Variants in MOB3B observed in about 807,000 individuals in gnomAD.
The protein encoded by MOB3B is MOB kinase activator 3B.
Under a neutral mutation model 18.7 loss-of-function variants are expected in MOB3B, and 7 were observed. That is an observed-to-expected ratio of 0.37 (90% CI 0.21 to 0.70). The LOEUF (loss-of-function observed/expected upper bound fraction) is 0.70. Ranked by LOEUF, MOB3B falls within the 30% of genes least tolerant of loss-of-function variation. The pLI is 0.52. For synonymous variants in MOB3B, 111 were observed against 99.9 expected (o/e 1.11, Z -0.66); for missense variants, 253 against 281.3 (o/e 0.90, Z 0.72).
intron 1 of MOB3B, among the ~76,000 whole-genome samples, chr9:27,520,864 G>C (rs572053382): frequency 6.6e-6 from 1 of 152,318 alleles, no homozygotes; most frequent in African/African-American, 2.4e-5. Flanking sequence ...AAGACACCCA[G>C]TTAAATCTGA....
chr9:27,361,011 C>T lies in MOB3B; in HGVS notation c.419-1775G>A, dbSNP rs182474857. On this transcript the variant is annotated intron_variant, in intron 2 of 3. Transcript: ENST00000262244. Reference sequence around the variant, plus strand: ...AGAACTGCTGTTGCCACACTGGGGGCGGGTCTGGAGTCTTTGAAGCCTGAG... The same window carrying T: ...AGAACTGCTGTTGCCACACTGGGGGTGGGTCTGGAGTCTTTGAAGCCTGAG... 1.9e-3 allele frequency among the ~76,000 whole-genome samples: 284 copies of T among 152,080 alleles called. 5 individuals are homozygous for T. Among genetic ancestry groups the T allele is most frequent in the Non-Finnish European group, 7.4e-4 (50 of 67,990 alleles).
At chr9:27,486,700 G>A (rs896918641) in intron 1 of MOB3B, among the ~76,000 whole-genome samples, 28 of 152,226 alleles carry the variant, frequency 1.8e-4, no homozygotes, top group African/African-American at 6.3e-4. Flanking sequence ...ACCCAGGCTA[G>A]TGTGACTGTG....
chr9:27,512,835 T>TGAGC, intron 1 of MOB3B, among the ~76,000 whole-genome samples: 1 of 152,308 alleles, frequency 6.6e-6, no homozygotes, highest in South Asian at 2.1e-4. Flanking sequence ...TTATCCATGG[T>TGAGC]TTAAATCAAT....
At chr9:27,418,213 C>T (rs62540101) in intron 2 of MOB3B, among the ~76,000 whole-genome samples, 19,145 of 146,840 alleles carry the variant, frequency 0.13, 1,648 homozygotes, top group Middle Eastern at 0.23. Flanking sequence ...ATTATCAAAA[C>T]AAATGTCCAG....
intron 2 of MOB3B, among the ~76,000 whole-genome samples, chr9:27,405,962 T>C (rs915883179): frequency 2.0e-5 from 3 of 152,168 alleles, no homozygotes; most frequent in Non-Finnish European, 2.9e-5. Context: ...TACCCATAGC[T>C]AGAATCATAT....
chr9:27,516,806 T>C (rs888427966), intron 1 of MOB3B, among the ~76,000 whole-genome samples: 2 of 152,190 alleles, frequency 1.3e-5, no homozygotes, highest in South Asian at 4.1e-4. Context: ...TTACAGCTTC[T>C]GTGGATACCT....
chr9:27,384,628 G>T (rs1821625252), intron 2 of MOB3B, among the ~76,000 whole-genome samples: 1 of 152,178 alleles, frequency 6.6e-6, no homozygotes, highest in South Asian at 2.1e-4. Context: ...TTCTTCCACA[G>T]AAAACAGTGG....
intron 3 of MOB3B, among the ~76,000 whole-genome samples, chr9:27,354,095 C>A (rs1821149238): frequency 6.6e-6 from 1 of 152,240 alleles, no homozygotes; most frequent in African/African-American, 2.4e-5. Context: ...TGCCTGGGTT[C>A]CCAGGCTGCC....
At chr9:27,445,428 GA>G (rs1383614874) in intron 2 of MOB3B, among the ~76,000 whole-genome samples, 2 of 147,594 alleles carry the variant, frequency 1.4e-5, no homozygotes, top group Non-Finnish European at 3.1e-5. Context: ...ACTATTTCTG[GA>G]AAACAGAAAA....
intron 1 of MOB3B, among the ~76,000 whole-genome samples, chr9:27,506,615 TC>T (rs1198218896): frequency 7.2e-5 from 11 of 152,106 alleles, no homozygotes; most frequent in African/African-American, 2.7e-4. Context: ...CACTGCAACT[TC>T]CGCCTCCTGG....
At chr9:27,468,577 A>T (rs1819421286) in intron 1 of MOB3B, among the ~76,000 whole-genome samples, 1 of 152,186 alleles carries the variant, frequency 6.6e-6, no homozygotes, top group Non-Finnish European at 1.5e-5. Context: ...CCAGGACCAC[A>T]TACTGTGCTG....
intron 2 of MOB3B, among the ~76,000 whole-genome samples, chr9:27,424,142 T>A (rs1822294747): frequency 6.6e-6 from 1 of 152,154 alleles, no homozygotes; most frequent in South Asian, 2.1e-4. Context: ...TCACATAGAG[T>A]TAGCCTCTTG....
intron 1 of MOB3B, among the ~76,000 whole-genome samples, chr9:27,520,288 A>G (rs1311732112): frequency 6.6e-6 from 1 of 152,188 alleles, no homozygotes; most frequent in Non-Finnish European, 1.5e-5. Context: ...TAAACAACAG[A>G]GCAGCCCCTG....
At chr9:27,350,772 A>C (rs1384568093) in intron 3 of MOB3B, among the ~76,000 whole-genome samples, 1 of 151,942 alleles carries the variant, frequency 6.6e-6, no homozygotes, top group Non-Finnish European at 1.5e-5. Context: ...CTGAACAACC[A>C]CCAACAGCCG....
chr9:27,368,951 A>T (rs1380764373), intron 2 of MOB3B, among the ~76,000 whole-genome samples: 1 of 152,156 alleles, frequency 6.6e-6, no homozygotes, highest in Non-Finnish European at 1.5e-5. Flanking sequence ...CACAGCATGG[A>T]TGTGAAAGGA....
At chr9:27,380,842 C>T (rs1023041750) in intron 2 of MOB3B, among the ~76,000 whole-genome samples, 5 of 152,018 alleles carry the variant, frequency 3.3e-5, no homozygotes, top group African/African-American at 1.2e-4. Context: ...GGAATTGAGA[C>T]AGCCTAAATG....
intron 2 of MOB3B, among the ~76,000 whole-genome samples, chr9:27,365,364 CTT>C (rs55691019): frequency 3.9e-4 from 45 of 116,484 alleles, no homozygotes; most frequent in African/African-American, 1.1e-3. Flanking sequence ...TCCTTCTTCT[CTT>C]TTTTTTTTTT....
chr9:27,388,857 T>G (rs1467791642), intron 2 of MOB3B, among the ~76,000 whole-genome samples: 2 of 152,054 alleles, frequency 1.3e-5, no homozygotes, highest in African/African-American at 4.8e-5. Context: ...CATTCCATAA[T>G]CCACAGGCAG....
At chr9:27,446,104 A>T (rs551199991) in intron 2 of MOB3B, among the ~76,000 whole-genome samples, 1 of 152,340 alleles carries the variant, frequency 6.6e-6, no homozygotes, top group African/African-American at 2.4e-5. Context: ...AGTTAGACAC[A>T]TCACTAAGGA....
Sources: allele counts gnomAD v4.1 joint callset (sites outside exome capture counted in the v4.1 genomes callset), GRCh38; gene constraint gnomAD v4.1.1; transcripts MANE v1.5; gene names NCBI Gene and HGNC (gene_info 2026-07-23, HGNC 2026-07-21).